TMEM132B: variants seen among roughly 807,000 people sequenced by gnomAD.
TMEM132B encodes the protein transmembrane protein 132B.
A neutral mutation model predicts 90.8 loss-of-function variants in TMEM132B; 18 were observed. That is an observed-to-expected ratio of 0.20 (90% CI 0.14 to 0.29). The LOEUF (loss-of-function observed/expected upper bound fraction) is 0.29, where lower values mean the gene tolerates loss of function less well. Ranked by LOEUF, TMEM132B falls within the 10% of genes least tolerant of loss-of-function variation. TMEM132B has a pLI of 1.00. For missense variants in TMEM132B, 1,096 were observed against 1,326.8 expected, an observed-to-expected ratio of 0.83 and a Z score of 2.70; for synonymous variants, 504 against 523.3, an observed-to-expected ratio of 0.96 and a Z score of 0.50.
chr12:125,300,832 C>T (rs1472268298), intron 1 of TMEM132B: 9 of 152,184 alleles, frequency 5.9e-5, no homozygotes, highest in Non-Finnish European at 4.4e-5. Flanking sequence ...AGGTGCTGCA[C>T]TGGGCGAGCC....
intron 3 of TMEM132B, among the ~76,000 whole-genome samples, chr12:125,443,761 A>G (rs1880935478): frequency 6.6e-6 from 1 of 152,234 alleles, no homozygotes; most frequent in South Asian, 2.1e-4. Flanking sequence ...TTGAAGCTAA[A>G]TAACCCATTG....
intron 4 of TMEM132B, among the ~76,000 whole-genome samples, chr12:125,539,389 C>T (rs961159387): frequency 1.3e-5 from 2 of 152,192 alleles, no homozygotes; most frequent in South Asian, 2.1e-4. Context: ...ATCTTCTCCC[C>T]GCCCAGGTCT....
chr12:125,204,972 T>A (rs1483462617), intron 1 of TMEM132B, among the ~76,000 whole-genome samples: 1 of 120,552 alleles, frequency 8.3e-6, no homozygotes, highest in African/African-American at 3.4e-5. Context: ...GGGCTCCGTG[T>A]ACCAGGCACT....
At position 125,249,041 on chromosome 12, in the gene TMEM132B, G is replaced by C. The variant is rs191138042; in HGVS notation, c.67+62175G>C. Among the ~76,000 whole-genome samples, 21 of 152,296 alleles carry C rather than the reference G, an allele frequency of 1.4e-4. No individual in the cohort carries two copies. In the East Asian group the frequency reaches 3.5e-3, roughly 25 times the overall value. On this transcript the variant is annotated intron_variant, in intron 1 of 8. Transcript: ENST00000682704. ...TGAGCATGTGACCTCCAGGTGGAGT[G>C]GGGGAGGGCTTCACATACCTCTCTG...
At chr12:125,622,881 A>G (rs1009743781) in intron 5 of TMEM132B, among the ~76,000 whole-genome samples, 23 of 152,334 alleles carry the variant, frequency 1.5e-4, no homozygotes, top group African/African-American at 5.5e-4. Context: ...TTTCTAAAAT[A>G]AATTTTTATA....
chr12:125,467,470 A>G (rs1490662851), intron 3 of TMEM132B, among the ~76,000 whole-genome samples: 3 of 151,940 alleles, frequency 2.0e-5, no homozygotes, highest in African/African-American at 7.3e-5. Flanking sequence ...GAAAAAGAGC[A>G]GCACTGAGTC....
At chr12:125,286,726 T>G (rs1341971036) in intron 1 of TMEM132B, among the ~76,000 whole-genome samples, 1 of 151,952 alleles carries the variant, frequency 6.6e-6, no homozygotes, top group Non-Finnish European at 1.5e-5. Context: ...TGTTTTGAGA[T>G]GAGGTCTCAC....
chr12:125,482,915 A>T (rs1464360195), intron 3 of TMEM132B, among the ~76,000 whole-genome samples: 1 of 152,226 alleles, frequency 6.6e-6, no homozygotes, highest in Non-Finnish European at 1.5e-5. Flanking sequence ...CTATGCAGCC[A>T]TAAAAAAGGA....
At chr12:125,340,197 G>T (rs554643449) in intron 1 of TMEM132B, among the ~76,000 whole-genome samples, 1 of 152,282 alleles carries the variant, frequency 6.6e-6, no homozygotes, top group Non-Finnish European at 1.5e-5. Flanking sequence ...AATGAAAAGA[G>T]TAGGTGTAAG....
Position 125,401,093 on chromosome 12 carries a change from C to T in TMEM132B, c.960-14438C>T, listed in dbSNP as rs1008746188. Among the ~76,000 whole-genome samples the T allele has an allele frequency of 3.3e-5, 5 of 152,304 alleles. No individual in the cohort carries two copies. In the South Asian group the frequency reaches 1.0e-3, roughly 32 times the overall value. ...GCCTCTGGTCCACAGGGTTCTGATG[C>T]CTTCACCCCCTTCCCTGCCCTTGGA... On this transcript the variant is annotated intron_variant, in intron 2 of 8. Transcript: ENST00000682704.
In TMEM132B at chr12:125,406,706, C is replaced by T. The variant is rs1047422734; in HGVS notation, c.960-8825C>T. ...ATGGCAGACAGTGAAAGACTTGACC[C>T]ACCCACTGGAAAGCTGGGAAGGTCT... On this transcript the variant is annotated intron_variant, in intron 2 of 8. Coordinates refer to ENST00000682704, the MANE Select transcript of TMEM132B (RefSeq NM_001366854.1). The surrounding 1 kb of genome is among the most constrained non-coding windows in gnomAD (Gnocchi z 8.3). Among the ~76,000 whole-genome samples the T allele has an allele frequency of 6.6e-6, 1 of 152,180 alleles. No individual in the cohort carries two copies. Among genetic ancestry groups the T allele is most frequent in the Admixed American group, 6.5e-5 (1 of 15,280 alleles).
At chr12:125,188,390 G>A (rs111560842) in intron 1 of TMEM132B, among the ~76,000 whole-genome samples, 16 of 152,300 alleles carry the variant, frequency 1.1e-4, no homozygotes, top group Admixed American at 5.9e-4. Context: ...GCAGTCCCTC[G>A]GACTTGAAAA....
intron 1 of TMEM132B, among the ~76,000 whole-genome samples, chr12:125,280,547 C>T (rs905109262): frequency 6.6e-6 from 1 of 152,344 alleles, no homozygotes; most frequent in Non-Finnish European, 1.5e-5. Flanking sequence ...GGGCTCTGCT[C>T]CCTGCCTCCC....
chr12:125,452,514 G>C (rs1402448110), intron 3 of TMEM132B, among the ~76,000 whole-genome samples: 7 of 152,146 alleles, frequency 4.6e-5, no homozygotes, highest in Non-Finnish European at 8.8e-5. Flanking sequence ...GAAATGCTAG[G>C]TTATAGCTAT....
At chr12:125,257,111 G>T (rs1328291717) in intron 1 of TMEM132B, among the ~76,000 whole-genome samples, 1 of 152,134 alleles carries the variant, frequency 6.6e-6, no homozygotes, top group Non-Finnish European at 1.5e-5. Flanking sequence ...CTAGGAGCTT[G>T]AGACCCACTG....
intron 1 of TMEM132B, among the ~76,000 whole-genome samples, chr12:125,242,825 C>T (rs1874104252): frequency 6.6e-6 from 1 of 152,168 alleles, no homozygotes; most frequent in Non-Finnish European, 1.5e-5. Context: ...TGTTAGTCCA[C>T]TTTCTTTTTT....
intron 3 of TMEM132B, among the ~76,000 whole-genome samples, chr12:125,477,216 A>ATTCCCTTTT (rs1881905907): frequency 6.6e-6 from 1 of 152,132 alleles, no homozygotes; most frequent in Non-Finnish European, 1.5e-5. Flanking sequence ...ATATATATAT[A>ATTCCCTTTT]TTCCCTTTTT....
chr12:125,388,461 A>G (rs1878911709), intron 2 of TMEM132B, among the ~76,000 whole-genome samples: 1 of 151,672 alleles, frequency 6.6e-6, no homozygotes, highest in Admixed American at 6.6e-5. Flanking sequence ...CAAAACAAAA[A>G]CCTGTTGTCC....
chr12:125,212,003 A>G (rs1430481614), intron 1 of TMEM132B, among the ~76,000 whole-genome samples: 1 of 152,230 alleles, frequency 6.6e-6, no homozygotes. Context: ...AACAGGATCC[A>G]GAATGTGTGG....
Sources: allele counts gnomAD v4.1 joint callset (sites outside exome capture counted in the v4.1 genomes callset), GRCh38; gene constraint gnomAD v4.1.1; non-coding constraint Gnocchi (gnomAD v3.1); transcripts MANE v1.5; gene names NCBI Gene and HGNC (gene_info 2026-07-23, HGNC 2026-07-21).